The following OPCML variants were observed in gnomAD, a reference collection of about 807,000 sequenced individuals.
The protein encoded by OPCML is opioid binding protein/cell adhesion molecule like.
In OPCML, 13 loss-of-function variants were observed where a neutral mutation model predicts 37.8. That is an observed-to-expected ratio of 0.34 (90% CI 0.22 to 0.55). The LOEUF (loss-of-function observed/expected upper bound fraction) is 0.55. OPCML is among the 20% of genes least tolerant of loss of function. The probability of loss-of-function intolerance (pLI) is 0.91; values close to 1 mark genes in which losing one functional copy is unlikely to be tolerated. For missense variants in OPCML, 341 were observed against 435.6 expected, an observed-to-expected ratio of 0.78 and a Z score of 1.93; for synonymous variants, 176 against 168.8, an observed-to-expected ratio of 1.04 and a Z score of -0.33.
At chr11:133,501,979 G>A (rs1027048393) in intron 1 of OPCML, among the ~76,000 whole-genome samples, 1 of 151,552 alleles carries the variant, frequency 6.6e-6, no homozygotes. Context: ...TTCCACGACC[G>A]CTGCTGCCTC....
intron 1 of OPCML, among the ~76,000 whole-genome samples, chr11:133,038,803 A>G (rs1016748482): frequency 6.1e-5 from 9 of 146,492 alleles, no homozygotes; most frequent in Non-Finnish European, 8.9e-5. Flanking sequence ...TATTCTTCTG[A>G]CTCACTGTTG....
intron 1 of OPCML, among the ~76,000 whole-genome samples, chr11:133,043,550 G>A (rs1252138390): frequency 6.6e-6 from 1 of 152,142 alleles, no homozygotes; most frequent in Non-Finnish European, 1.5e-5. Context: ...CTGTGATATT[G>A]CTTTAGGAGG....
intron 1 of OPCML, among the ~76,000 whole-genome samples, chr11:133,497,035 G>A (rs917985937): frequency 5.9e-5 from 9 of 152,094 alleles, no homozygotes; most frequent in Admixed American, 3.3e-4. Flanking sequence ...TTGGCTGTGC[G>A]TCTGTCATAG....
intron 1 of OPCML, chr11:133,024,872 T>C: frequency 1.0e-6 from 1 of 985,422 alleles, no homozygotes; most frequent in Non-Finnish European, 1.2e-6. Flanking sequence ...TCTATGCCAG[T>C]GATTTTCCAA....
chr11:132,708,477 G>A (rs1487976761), intron 2 of OPCML, among the ~76,000 whole-genome samples: 1 of 152,016 alleles, frequency 6.6e-6, no homozygotes, highest in Non-Finnish European at 1.5e-5. Flanking sequence ...ATGCAATTTG[G>A]GATGGAAGAA....
At chr11:132,650,625 A>G (rs1941383897) in intron 3 of OPCML, among the ~76,000 whole-genome samples, 1 of 152,128 alleles carries the variant, frequency 6.6e-6, no homozygotes, top group Admixed American at 6.6e-5. Context: ...ACAGCCACAC[A>G]TGGGATTAAA....
chr11:132,773,803 CTT>C (rs1946722665), intron 2 of OPCML, among the ~76,000 whole-genome samples: 1 of 152,148 alleles, frequency 6.6e-6, no homozygotes. Context: ...TTTATGGCCT[CTT>C]TTTCTTTGCC....
chr11:132,781,289 C>T (rs1180524045), intron 2 of OPCML, among the ~76,000 whole-genome samples: 1 of 152,040 alleles, frequency 6.6e-6, no homozygotes, highest in African/African-American at 2.4e-5. Flanking sequence ...TGGGCCCCTT[C>T]CAGTCAACCG....
At chr11:132,988,392 G>A (rs1307111709) in intron 1 of OPCML, among the ~76,000 whole-genome samples, 2 of 152,140 alleles carry the variant, frequency 1.3e-5, no homozygotes, top group East Asian at 3.9e-4. Flanking sequence ...TTTTTCCAAT[G>A]TCTGTCTCAT....
intron 2 of OPCML, among the ~76,000 whole-genome samples, chr11:132,660,321 G>A (rs985151942): frequency 1.3e-5 from 2 of 152,148 alleles, no homozygotes; most frequent in Non-Finnish European, 2.9e-5. Context: ...CAAGATATAT[G>A]CCAAAAATCA....
chr11:133,460,270 A>T (rs1946828056), intron 1 of OPCML, among the ~76,000 whole-genome samples: 1 of 151,952 alleles, frequency 6.6e-6, no homozygotes, highest in African/African-American at 2.4e-5. Context: ...TTATTAAGAC[A>T]AAAGGTCTCA....
At chr11:133,307,644 G>T (rs913967649) in intron 1 of OPCML, among the ~76,000 whole-genome samples, 2 of 152,128 alleles carry the variant, frequency 1.3e-5, no homozygotes, top group Non-Finnish European at 2.9e-5. Flanking sequence ...GGAGACTGGG[G>T]CAAGAGCAAC....
intron 2 of OPCML, among the ~76,000 whole-genome samples, chr11:132,941,511 T>C (rs1261137033): frequency 1.3e-5 from 2 of 152,344 alleles, no homozygotes; most frequent in Middle Eastern, 3.4e-3. Context: ...TTAAGCCAAC[T>C]AGCTCACTGC....
intron 3 of OPCML, among the ~76,000 whole-genome samples, chr11:132,571,213 G>T (rs1470170873): frequency 6.6e-6 from 1 of 151,936 alleles, no homozygotes; most frequent in African/African-American, 2.4e-5. Context: ...GGTTTGCTGG[G>T]GGGTCTCGGG....
At chr11:133,433,189 TTGCAGTGAGCCGA>T (rs1946160648) in intron 1 of OPCML, among the ~76,000 whole-genome samples, 2 of 147,308 alleles carry the variant, frequency 1.4e-5, no homozygotes, top group Admixed American at 1.3e-4. Context: ...GAGGCGGAGC[TTGCAGTGAGCCGA>T]GATCCCGCCA....
At chr11:133,460,969 T>A (rs1565647232) in intron 1 of OPCML, among the ~76,000 whole-genome samples, 1 of 151,756 alleles carries the variant, frequency 6.6e-6, no homozygotes, top group African/African-American at 2.4e-5. Context: ...ATTCATGGAA[T>A]GAAGGAGGGA....
intron 1 of OPCML, among the ~76,000 whole-genome samples, chr11:133,149,700 C>T (rs1275088891): frequency 6.6e-6 from 1 of 152,244 alleles, no homozygotes; most frequent in Admixed American, 6.5e-5. Flanking sequence ...GTGCTGCTGG[C>T]TCACTGAAGC....
chr11:133,415,609 A>G (rs1945743708), intron 1 of OPCML, among the ~76,000 whole-genome samples: 1 of 152,192 alleles, frequency 6.6e-6, no homozygotes, highest in Non-Finnish European at 1.5e-5. Flanking sequence ...ATGGCCTCTC[A>G]GAGGCATCTG....
At position 133,114,427 on chromosome 11, in the gene OPCML, A is replaced by G. The variant is rs145905124; in HGVS notation, c.62-171417T>C. Reference sequence around the variant, plus strand: ...TCAGCACTACCTTCAAGACATATTCAAAATCTTATAATTACACACCACGTC... The same window carrying G: ...TCAGCACTACCTTCAAGACATATTCGAAATCTTATAATTACACACCACGTC... On this transcript the variant is annotated intron_variant, in intron 1 of 7. Transcript: ENST00000524381. 3.8e-3 allele frequency among the ~76,000 whole-genome samples: 577 copies of G among 152,248 alleles called. 6 individuals carry two copies. The highest frequency in any genetic ancestry group is 0.013 in the African/African-American group (558 of 41,548).
Sources: allele counts gnomAD v4.1 joint callset (sites outside exome capture counted in the v4.1 genomes callset), GRCh38; gene constraint gnomAD v4.1.1; transcripts MANE v1.5; gene names NCBI Gene and HGNC (gene_info 2026-07-23, HGNC 2026-07-21).